Variants in ZNF714 observed in about 807,000 individuals in gnomAD.
The protein encoded by ZNF714 is zinc finger protein 714.
ZNF714 carries 32 observed loss-of-function variants against 46.2 expected under a neutral mutation model. That is an observed-to-expected ratio of 0.69 (90% CI 0.52 to 0.93). ZNF714 has a LOEUF of 0.93. ZNF714 is among the 40% of genes least tolerant of loss of function. The probability of loss-of-function intolerance (pLI) is 0.00; values close to 1 mark genes in which losing one functional copy is unlikely to be tolerated. For missense variants in ZNF714, 635 were observed against 646.3 expected (o/e 0.98, Z 0.19); for synonymous variants, 199 against 213.1 (o/e 0.93, Z 0.58).
chr19:21,098,330 C>T lies in ZNF714; in HGVS notation c.43+19C>T, dbSNP rs1387052716. ...TTCTTGGGTGAGAATAACTTTAATACATAAGTCTTAATATACCCTAAACGT... is the reference window on the plus strand; with the variant it reads ...TTCTTGGGTGAGAATAACTTTAATATATAAGTCTTAATATACCCTAAACGT... On this transcript the variant is annotated intron_variant, in intron 3 of 4. Coordinates refer to ENST00000456283, the MANE Select transcript of ZNF714 (RefSeq NM_182515.4). 1.2e-6 allele frequency: 2 copies of T among 1,605,978 alleles called. No individual in the cohort carries two copies. The highest frequency in any genetic ancestry group is 2.7e-5 in the African/African-American group (2 of 74,212).
rs1401078476 is a variant in ZNF714, at chr19:21,082,466, G to A, written c.-177+118G>A. 3.8e-6 allele frequency: 4 copies of A among 1,059,160 alleles called. No homozygotes were observed. The African/African-American group carries it at 4.5e-5, about 12-fold the overall frequency. The allele number at this position is 1,059,160 out of a possible 1,614,324, so 65.6% of individuals were successfully genotyped here. ...GTCAACTCTACAATCTGCGCCCGGA[G>A]TTCTCCTTGCTCAGCTCGGCCTCAG... On this transcript the variant is annotated intron_variant, in intron 1 of 4. Transcript: ENST00000456283.
intron 4 of ZNF714, among the ~76,000 whole-genome samples, chr19:21,109,051 A>G (rs977975828): frequency 6.6e-6 from 1 of 152,148 alleles, no homozygotes; most frequent in Non-Finnish European, 1.5e-5. Flanking sequence ...CATCCAATAT[A>G]ATTATTACCA....
At position 21,118,234 on chromosome 19, in the gene ZNF714, G is replaced by T. The variant is rs199570046; in HGVS notation, c.1570G>T (p.Ala524Ser). Reference protein sequence around the residue: ...NTLRGLGEQIARSGVQDQPGQ... With the variant: ...NTLRGLGEQISRSGVQDQPGQ... ...TTTGAGAGGACTAGGTGAGCAGATCGCGAGGTCAGGAGTTCAAGACCAGCC... is the reference window on the plus strand; with the variant it reads ...TTTGAGAGGACTAGGTGAGCAGATCTCGAGGTCAGGAGTTCAAGACCAGCC... The change falls in exon 5 of 5, where the codon GCG (alanine) becomes TCG (serine). Residue 524 changes from alanine to serine, a missense_variant. Physicochemically the swap from Ala to Ser is moderately conservative, Grantham distance 99. Coordinates refer to ENST00000456283, the MANE Select transcript of ZNF714 (RefSeq NM_182515.4). 32 of 1,561,082 alleles carry T rather than the reference G, an allele frequency of 2.0e-5. No homozygotes were observed. In the Admixed American group the frequency reaches 4.6e-4, roughly 23 times the overall value.
intron 2 of ZNF714, among the ~76,000 whole-genome samples, chr19:21,091,986 T>C (rs1968920148): frequency 6.6e-6 from 1 of 152,162 alleles, no homozygotes. Context: ...TGAGTTGCTG[T>C]TGGAGAATTG....
At chr19:21,099,462 G>A (rs58695255) in intron 4 of ZNF714, among the ~76,000 whole-genome samples, 1 of 23,554 alleles carries the variant, frequency 4.2e-5, no homozygotes, top group African/African-American at 5.1e-5. Context: ...TTACAAGTGT[G>A]AGCCACCGTG....
chr19:21,111,056 C>A (rs1193114439), intron 4 of ZNF714, among the ~76,000 whole-genome samples: 1 of 151,978 alleles, frequency 6.6e-6, no homozygotes, highest in African/African-American at 2.4e-5. Context: ...GCTTAGGATT[C>A]TCTTGGCTAT....
At chr19:21,113,530 C>T (rs1169490265) in intron 4 of ZNF714, among the ~76,000 whole-genome samples, 2 of 145,826 alleles carry the variant, frequency 1.4e-5, no homozygotes, top group Admixed American at 6.9e-5. Context: ...TTTTTGAGAC[C>T]GAGTCTCGCT....
chr19:21,118,277 C>T lies in ZNF714; in HGVS notation c.1613C>T (p.Thr538Ile). The change falls in exon 5 of 5, where the codon ACC becomes ATC. Residue 538 changes from threonine to isoleucine, a missense_variant. Coordinates refer to ENST00000456283, the MANE Select transcript of ZNF714 (RefSeq NM_182515.4). ...VQDQPGQHGKTPSLLKIQKFA... is the reference protein window; with the variant it reads ...VQDQPGQHGKIPSLLKIQKFA... Reference sequence around the variant, plus strand: ...GACCAGCCTGGCCAACATGGTAAAACCCCATCTCTACTAAAAATACAAAAA... The same window carrying T: ...GACCAGCCTGGCCAACATGGTAAAATCCCATCTCTACTAAAAATACAAAAA... 7.6e-7 allele frequency: 1 copy of T among 1,314,818 alleles called. No homozygotes were observed. Among genetic ancestry groups the T allele is most frequent in the Non-Finnish European group, 1.1e-6 (1 of 950,602 alleles). The allele number at this position is 1,314,818 out of a possible 1,614,324, so 81.4% of individuals were successfully genotyped here.
intron 4 of ZNF714, among the ~76,000 whole-genome samples, chr19:21,111,633 G>A (rs1202173775): frequency 1.1e-4 from 17 of 152,142 alleles, no homozygotes; most frequent in South Asian, 4.1e-4. Flanking sequence ...AATAGGAGTG[G>A]TGAGAGGGCA....
chr19:21,091,666 T>C (rs1655537745), intron 2 of ZNF714: 1 of 149,764 alleles, frequency 6.7e-6, no homozygotes, highest in African/African-American at 2.4e-5. Flanking sequence ...ATGTTTGTGA[T>C]TCATCATTCC....
chr19:21,101,307 T>C (rs1209952277), intron 4 of ZNF714, among the ~76,000 whole-genome samples: 1 of 152,176 alleles, frequency 6.6e-6, no homozygotes, highest in African/African-American at 2.4e-5. Flanking sequence ...GGTGATGGGA[T>C]GCCCTCTGGG....
At chr19:21,105,215 G>A (rs1020916248) in intron 4 of ZNF714, among the ~76,000 whole-genome samples, 7 of 150,836 alleles carry the variant, frequency 4.6e-5, no homozygotes, top group Admixed American at 3.3e-4. Flanking sequence ...TTTTAGTAGA[G>A]TTTCACCATC....
chr19:21,122,452 C>T lies in ZNF714; in HGVS notation c.*4120C>T, dbSNP rs1020819549. On this transcript the variant is annotated 3_prime_UTR_variant, in exon 5 of 5. Coordinates refer to ENST00000456283, the MANE Select transcript of ZNF714 (RefSeq NM_182515.4). ...GTGAAACCCGGTCTCTACTAATAAACTACAAAAATTAGCTGATTGTGGTGG... is the reference window on the plus strand; with the variant it reads ...GTGAAACCCGGTCTCTACTAATAAATTACAAAAATTAGCTGATTGTGGTGG... 6.6e-6 allele frequency: 1 copy of T among 152,058 alleles called. No homozygotes were observed. The highest frequency in any genetic ancestry group is 6.5e-5 in the Admixed American group (1 of 15,270). 9.4% of individuals were successfully genotyped at this position (152,058 alleles called of 1,614,324 possible).
At position 21,117,980 on chromosome 19, in the gene ZNF714, A is replaced by T. The variant is rs569619961; in HGVS notation, c.1316A>T (p.Asn439Ile). 6.2e-7 allele frequency: 1 copy of T among 1,613,066 alleles called. No homozygotes were observed. Among genetic ancestry groups the T allele is most frequent in the East Asian group, 2.2e-5 (1 of 44,794 alleles). The change falls in exon 5 of 5, where the codon AAC becomes ATC. Residue 439 changes from asparagine (N) to isoleucine (I), a missense_variant. Physicochemically the swap from Asn to Ile is moderately radical, Grantham distance 149 (BLOSUM62 -3). Transcript: ENST00000456283. ...ECGKAFNRSS[N>I]LTTHKRIHTG... ...GGCAAAGCTTTTAACCGATCCTCAA[A>T]CCTTACTACACATAAGAGAATTCAC...
In ZNF714 at chr19:21,118,470, AAAAG is replaced by A. The variant is rs1265777604; in HGVS notation, c.*142_*145del. 2.4e-6 allele frequency: 1 copy of A among 419,924 alleles called. No homozygotes were observed. The highest frequency in any genetic ancestry group is 4.2e-6 in the Non-Finnish European group (1 of 236,604). The allele number at this position is 419,924 out of a possible 1,614,324, so 26.0% of individuals were successfully genotyped here. A position where few individuals can be genotyped will look rare whatever the true frequency, so the allele number is the denominator to read the frequency against. Reference sequence around the variant, plus strand: ...CTGTCTCAAAAAAAAAAAAAAAAAGAAAAGAAAATTCATACTGGAACGAAACCCT... The same window carrying A: ...CTGTCTCAAAAAAAAAAAAAAAAAGAAAAATTCATACTGGAACGAAACCCT... On this transcript the variant is annotated 3_prime_UTR_variant, in exon 5 of 5. Coordinates refer to ENST00000456283, the MANE Select transcript of ZNF714 (RefSeq NM_182515.4).
intron 4 of ZNF714, chr19:21,109,579 G>GT (rs148778986): frequency 4.3e-3 from 952 of 220,236 alleles, no homozygotes; most frequent in Non-Finnish European, 6.0e-3. Flanking sequence ...TTTCATTGTT[G>GT]TTTTTTTTTT....
At chr19:21,109,128 T>C (rs549843122) in intron 4 of ZNF714, among the ~76,000 whole-genome samples, 101 of 152,324 alleles carry the variant, frequency 6.6e-4, no homozygotes, top group Non-Finnish European at 8.5e-4. Flanking sequence ...ACTTTCAACC[T>C]ATTTGACTTA....
At chr19:21,115,952 T>C (rs1293793543) in intron 4 of ZNF714, among the ~76,000 whole-genome samples, 2 of 151,748 alleles carry the variant, frequency 1.3e-5, no homozygotes, top group African/African-American at 4.8e-5. Context: ...TTTTTAATTT[T>C]TAAAATTAAT....
At chr19:21,103,293 C>T (rs1396365478) in intron 4 of ZNF714, among the ~76,000 whole-genome samples, 4 of 151,946 alleles carry the variant, frequency 2.6e-5, no homozygotes, top group African/African-American at 9.7e-5. Flanking sequence ...GTGGCTCACG[C>T]CTGTAATCCC....
Sources: allele counts gnomAD v4.1 joint callset (sites outside exome capture counted in the v4.1 genomes callset), GRCh38; gene constraint gnomAD v4.1.1; transcripts MANE v1.5; gene names NCBI Gene and HGNC (gene_info 2026-07-23, HGNC 2026-07-21).